The following RRAGD variants were observed in gnomAD, a reference collection of about 807,000 sequenced individuals.
RRAGD encodes the protein Ras related GTP binding D, also known as ras-related GTP-binding protein D.
A neutral mutation model predicts 35.5 loss-of-function variants in RRAGD; 12 were observed. That is an observed-to-expected ratio of 0.34 (90% CI 0.22 to 0.55). The LOEUF (loss-of-function observed/expected upper bound fraction) is 0.55. RRAGD is among the 20% of genes least tolerant of loss of function. The pLI, the probability that RRAGD is intolerant of heterozygous loss-of-function variation, is 0.91. For synonymous variants in RRAGD, 155 were observed against 178.9 expected (o/e 0.87, Z 1.07); for missense variants, 324 against 490.1 (o/e 0.66, Z 3.20).
At position 89,377,700 on chromosome 6, in the gene RRAGD, A is replaced by G; in HGVS notation, c.873T>C (p.Asp291=). ...QTYELCCDMI[D]VVIDISCIYG... ...AAATACAAGAGATGTCAATAACCACATCTATCATATCACAGCAGAGCTCAT... is the reference window on the plus strand; with the variant it reads ...AAATACAAGAGATGTCAATAACCACGTCTATCATATCACAGCAGAGCTCAT... Residue 291 remains aspartate (D), a synonymous_variant, in exon 5 of 7, where the codon GAT becomes GAC. Transcript: ENST00000369415. 6.2e-7 allele frequency: 1 copy of G among 1,603,166 alleles called. No individual in the cohort carries two copies. Among genetic ancestry groups the G allele is most frequent in the Non-Finnish European group, 8.5e-7 (1 of 1,176,784 alleles).
At chr6:89,393,225 T>C (rs901741266) in intron 1 of RRAGD, among the ~76,000 whole-genome samples, 2 of 152,158 alleles carry the variant, frequency 1.3e-5, no homozygotes, top group African/African-American at 4.8e-5. Flanking sequence ...GAACTCAAAA[T>C]TGACAACCAG....
chr6:89,391,342 G>T (rs1769229251), intron 1 of RRAGD, among the ~76,000 whole-genome samples: 1 of 150,760 alleles, frequency 6.6e-6, no homozygotes, highest in Non-Finnish European at 1.5e-5. Flanking sequence ...CCACAATCAT[G>T]CCACTGCACT....
At chr6:89,410,846 T>C (rs1006792983) in intron 1 of RRAGD, among the ~76,000 whole-genome samples, 15 of 152,252 alleles carry the variant, frequency 9.9e-5, no homozygotes, top group Admixed American at 2.0e-4. Flanking sequence ...CTTGTATCTC[T>C]CACACAATTT....
chr6:89,382,792 C>T (rs1354453031), intron 2 of RRAGD, among the ~76,000 whole-genome samples: 1 of 152,094 alleles, frequency 6.6e-6, no homozygotes, highest in Non-Finnish European at 1.5e-5. Flanking sequence ...AGGAGAATTG[C>T]TTAAACCTGG....
At chr6:89,388,963 T>C (rs1326959915) in intron 1 of RRAGD, among the ~76,000 whole-genome samples, 3 of 152,192 alleles carry the variant, frequency 2.0e-5, no homozygotes, top group Non-Finnish European at 4.4e-5. Context: ...CTAATGCCAC[T>C]GCTGATCTGA....
At chr6:89,392,646 A>T (rs1383073910) in intron 1 of RRAGD, among the ~76,000 whole-genome samples, 3 of 152,170 alleles carry the variant, frequency 2.0e-5, no homozygotes, top group African/African-American at 7.2e-5. Flanking sequence ...TGTAACCAAC[A>T]ATTTTCCCCC....
At chr6:89,403,471 G>A (rs1484389119) in intron 1 of RRAGD, among the ~76,000 whole-genome samples, 1 of 151,876 alleles carries the variant, frequency 6.6e-6, no homozygotes, top group African/African-American at 2.4e-5. Flanking sequence ...CTGTCAAGGT[G>A]TAAAGTACCA....
chr6:89,395,562 C>T (rs1392256690), intron 1 of RRAGD, among the ~76,000 whole-genome samples: 1 of 152,144 alleles, frequency 6.6e-6, no homozygotes, highest in African/African-American at 2.4e-5. Flanking sequence ...TTGATATTCC[C>T]TTTCACTTTA....
At chr6:89,403,687 G>A (rs912303928) in intron 1 of RRAGD, among the ~76,000 whole-genome samples, 1 of 145,458 alleles carries the variant, frequency 6.9e-6, no homozygotes, top group African/African-American at 2.6e-5. Flanking sequence ...CTGGAGCTCA[G>A]TGAGTGGCTC....
At chr6:89,387,763 T>C (rs1769160973) in intron 1 of RRAGD, among the ~76,000 whole-genome samples, 173 bp from the exon 2 acceptor site, 1 of 152,078 alleles carries the variant, frequency 6.6e-6, no homozygotes, top group Non-Finnish European at 1.5e-5. Context: ...CTTCACAACC[T>C]TAACACTTAA....
chr6:89,396,728 ATTTTTTTTTTTTTTT>A (rs1160973684), intron 1 of RRAGD, among the ~76,000 whole-genome samples: 192 of 76,424 alleles, frequency 2.5e-3, no homozygotes, highest in African/African-American at 0.014. Flanking sequence ...CAATGACCCA[ATTTTTTTTTTTTTTT>A]TTTTTTTTTT....
intron 6 of RRAGD, among the ~76,000 whole-genome samples, chr6:89,368,901 A>G (rs1262806925): frequency 6.6e-6 from 1 of 152,226 alleles, no homozygotes; most frequent in East Asian, 1.9e-4. Context: ...TGCATTTTTC[A>G]TCATTACTAG....
intron 4 of RRAGD, among the ~76,000 whole-genome samples, chr6:89,378,425 T>G (rs534532276): frequency 1.3e-5 from 2 of 152,238 alleles, no homozygotes; most frequent in African/African-American, 4.8e-5. Context: ...AAAAATACTT[T>G]TACTGACTGT....
chr6:89,379,316 C>A lies in RRAGD; in HGVS notation c.667G>T (p.Asp223Tyr). 2 of 1,586,234 alleles carry A rather than the reference C, an allele frequency of 1.3e-6. No individual in the cohort carries two copies. Among genetic ancestry groups the A allele is most frequent in the South Asian group, 2.2e-5 (2 of 88,984 alleles). Residue 223 changes from aspartate to tyrosine, a missense_variant, in exon 4 of 7, where the codon GAT (aspartate) becomes TAT (tyrosine). Coordinates refer to ENST00000369415, the MANE Select transcript of RRAGD (RefSeq NM_021244.5). ...CTAAAAGCTTCAAATATTGAATGAT[C>A]ATATATGCTTGTCAGATAAAAGCTG... ...HLSFYLTSIY[D>Y]HSIFEAFSKV...
intron 6 of RRAGD, among the ~76,000 whole-genome samples, chr6:89,369,200 A>C (rs1170299388): frequency 6.6e-6 from 1 of 152,210 alleles, no homozygotes; most frequent in Non-Finnish European, 1.5e-5. Context: ...GCTTCTGCAG[A>C]GAGAGTGAAC....
Position 89,364,765 on chromosome 6 carries a change from C to A in RRAGD, c.*3291G>T, listed in dbSNP as rs1489019168. 1 of 152,198 alleles carries A rather than the reference C, an allele frequency of 6.6e-6. No homozygotes were observed. The highest frequency in any genetic ancestry group is 1.5e-5 in the Non-Finnish European group (1 of 68,030). The allele number at this position is 152,198 out of a possible 1,614,324, so 9.4% of individuals were successfully genotyped here. A position where few individuals can be genotyped will look rare whatever the true frequency, so the allele number is the denominator to read the frequency against. On this transcript the variant is annotated 3_prime_UTR_variant, in exon 7 of 7. Transcript: ENST00000369415. ...GACATACATGTATGGTAAGCAACCT[C>A]AGAAACAGGAAAGGCTGTACTTCCT...
chr6:89,377,750 T>C lies in RRAGD; in HGVS notation c.823A>G (p.Ser275Gly). 2 of 1,611,306 alleles carry C rather than the reference T, an allele frequency of 1.2e-6. No individual in the cohort carries two copies. Among genetic ancestry groups the C allele is most frequent in the Non-Finnish European group, 1.7e-6 (2 of 1,178,408 alleles). Residue 275 changes from serine (S) to glycine (G), a missense_variant, in exon 5 of 7, where the codon AGT (serine) becomes GGT (glycine). Around this residue, in one of 5 missense-constraint regions of RRAGD, gnomAD observed 152 missense variants for 296.9 expected, o/e 0.51. Transcript: ENST00000369415. ...TAGGTTTGCATATCCACCGGAGTAC[T>C]ATCAGTTGCAATATAAATTTTACTG... ...VVSKIYIATD[S>G]TPVDMQTYEL...
intron 1 of RRAGD, among the ~76,000 whole-genome samples, chr6:89,400,126 C>A (rs1212091467): frequency 6.6e-6 from 1 of 152,304 alleles, no homozygotes; most frequent in South Asian, 2.1e-4. Flanking sequence ...AGGGGACCTT[C>A]TCCTTGAGGT....
chr6:89,375,411 T>C (rs973472344), intron 5 of RRAGD, among the ~76,000 whole-genome samples: 1 of 152,212 alleles, frequency 6.6e-6, no homozygotes, highest in Non-Finnish European at 1.5e-5. Flanking sequence ...CTATAAGCAA[T>C]GAAAACACAT....
Sources: allele counts gnomAD v4.1 joint callset (sites outside exome capture counted in the v4.1 genomes callset), GRCh38; gene constraint gnomAD v4.1.1; regional missense constraint gnomAD v4.1.1; transcripts MANE v1.5; gene names NCBI Gene and HGNC (gene_info 2026-07-23, HGNC 2026-07-21).